The following EHD2 variants were observed in gnomAD, a reference collection of about 807,000 sequenced individuals.
EHD2 encodes the protein EH domain-containing protein 2.
Under a neutral mutation model 41.0 loss-of-function variants are expected in EHD2, and 27 were observed. That is an observed-to-expected ratio of 0.66 (90% CI 0.49 to 0.91). The LOEUF is 0.91. Ranked by LOEUF, EHD2 falls within the 40% of genes least tolerant of loss-of-function variation. The pLI is 0.00. For synonymous variants in EHD2, 342 were observed against 341.0 expected (o/e 1.00, Z -0.03); for missense variants, 673 against 773.9 (o/e 0.87, Z 1.55).
intron 3 of EHD2, among the ~76,000 whole-genome samples, chr19:47,721,576 AG>A (rs202087051): frequency 0.016 from 2,466 of 151,954 alleles, 20 homozygotes; most frequent in African/African-American, 0.023. Context: ...GGCCTCCCAA[AG>A]TGTTGGGATT....
rs1442117939 is a variant in EHD2, at chr19:47,716,575, C to T, written c.-38C>T. 11 of 1,461,202 alleles carry T rather than the reference C, an allele frequency of 7.5e-6. No homozygotes were observed. The highest frequency in any genetic ancestry group is 9.0e-6 in the Non-Finnish European group (10 of 1,109,296). The allele number at this position is 1,461,202 out of a possible 1,614,324, so 90.5% of individuals were successfully genotyped here. A position where few individuals can be genotyped will look rare whatever the true frequency, so the allele number is the denominator to read the frequency against. On this transcript the variant is annotated 5_prime_UTR_variant, in exon 2 of 6. It adds an upstream start codon to the 5' untranslated region. Coordinates refer to ENST00000263277, the MANE Select transcript of EHD2 (RefSeq NM_014601.4). The stretch of plus-strand genomic sequence containing the variant: ...TCCCACAGGCAGCTCTCCATCTGCA[C>T]GTCTCTCCGTGAACCCCGTGAGCGG...
intron 2 of EHD2, among the ~76,000 whole-genome samples, chr19:47,717,927 A>AG (rs1973647541): frequency 7.8e-6 from 1 of 128,546 alleles, no homozygotes; most frequent in African/African-American, 3.1e-5. Flanking sequence ...AAAAAAAAAA[A>AG]GGGATCAGGA....
chr19:47,733,874 A>C (rs1441619224), intron 4 of EHD2, among the ~76,000 whole-genome samples: 3 of 152,074 alleles, frequency 2.0e-5, no homozygotes, highest in African/African-American at 7.2e-5. Context: ...GGAACCCCCG[A>C]AAGGATCTTG....
In EHD2 at chr19:47,740,951, A is replaced by T. The variant is rs369661796; in HGVS notation, c.1151A>T (p.Glu384Val). The change falls in exon 6 of 6, where the codon GAG (glutamate) becomes GTG (valine). Residue 384 changes from glutamate (E) to valine (V), a missense_variant. Glu to Val is a moderately radical substitution (Grantham distance 121). Coordinates refer to ENST00000263277, the MANE Select transcript of EHD2 (RefSeq NM_014601.4). ...LKPKLLEALD[E>V]MLTHDIAKLM... ...CCGAAGCTGCTAGAGGCACTGGACG[A>T]GATGCTGACGCACGACATCGCCAAG... 5 of 1,612,860 alleles carry T rather than the reference A, an allele frequency of 3.1e-6. No homozygotes were observed. Among genetic ancestry groups the T allele is most frequent in the Non-Finnish European group, 4.2e-6 (5 of 1,179,830 alleles).
chr19:47,730,716 C>A (rs1429937536), intron 4 of EHD2, among the ~76,000 whole-genome samples: 1 of 152,046 alleles, frequency 6.6e-6, no homozygotes, highest in Non-Finnish European at 1.5e-5. Context: ...GAAGTGATAG[C>A]TGTTAGAAGG....
At position 47,740,446 on chromosome 19, in the gene EHD2, C is replaced by A. The variant is rs556266290; in HGVS notation, c.1081-435C>A. Among the ~76,000 whole-genome samples, 82 of 149,966 alleles carry A rather than the reference C, an allele frequency of 5.5e-4. No homozygotes were observed. The East Asian group carries it at 7.2e-3, about 13-fold the overall frequency. ...AGAGCGAGACCCTGTCAAAAAAAAACAAAACAAAACAAAACAAAAATGGCT... is the reference window on the plus strand; with the variant it reads ...AGAGCGAGACCCTGTCAAAAAAAAAAAAAACAAAACAAAACAAAAATGGCT... On this transcript the variant is annotated intron_variant, in intron 5 of 5. Transcript: ENST00000263277.
rs1318454902 is a variant in EHD2 at position 47,741,200 on chromosome 19, T to G, written c.1400T>G (p.Leu467Arg). The change falls in exon 6 of 6, where the codon CTG (leucine) becomes CGG (arginine). Residue 467 changes from leucine to arginine, a missense_variant. By Grantham distance (102) the Leu-to-Arg change is moderately radical. Coordinates refer to ENST00000263277, the MANE Select transcript of EHD2 (RefSeq NM_014601.4). This position sits in a 1 kb window ranked among gnomAD's most constrained non-coding sequence, Gnocchi z 4.5. ...AACCTGGCGCCTGCCGACGGCAAGC[T>G]GAGCGGCTCCAAGGCCAAGACCTGG... ...FYNLAPADGKLSGSKAKTWMV... is the reference protein window; with the variant it reads ...FYNLAPADGKRSGSKAKTWMV... The G allele has an allele frequency of 6.2e-7, 1 of 1,613,912 alleles. No homozygotes were observed. Among genetic ancestry groups the G allele is most frequent in the Non-Finnish European group, 8.5e-7 (1 of 1,180,002 alleles).
chr19:47,727,659 A>C (rs1165696109), intron 4 of EHD2, among the ~76,000 whole-genome samples: 1 of 146,362 alleles, frequency 6.8e-6, no homozygotes, highest in African/African-American at 2.5e-5. Flanking sequence ...GAGCCCAGGC[A>C]TTGAAGACCA....
In EHD2 at chr19:47,719,796, C is replaced by A. The variant is rs991400966; in HGVS notation, c.502+1190C>A. Among the ~76,000 whole-genome samples the A allele has an allele frequency of 6.6e-6, 1 of 151,132 alleles. No individual in the cohort carries two copies. Among genetic ancestry groups the A allele is most frequent in the Non-Finnish European group, 1.5e-5 (1 of 67,818 alleles). ...ACCCCAGGGCCTGGACCTGGGACAG[C>A]GGGAGGGAGAGGCTCTCTCAGCCAG... On this transcript the variant is annotated intron_variant, in intron 3 of 5. Coordinates refer to ENST00000263277, the MANE Select transcript of EHD2 (RefSeq NM_014601.4). The surrounding 1 kb of genome is among the most constrained non-coding windows in gnomAD (Gnocchi z 4.1).
intron 3 of EHD2, among the ~76,000 whole-genome samples, chr19:47,720,574 C>T (rs541067511): frequency 7.3e-5 from 11 of 150,176 alleles, no homozygotes; most frequent in Admixed American, 3.3e-4. Context: ...TATATTGTGA[C>T]GTGTGTGTGT....
rs1473634661 is a variant in EHD2 at position 47,716,602 on chromosome 19, G to A, written c.-11G>A. 2 of 1,506,700 alleles carry A rather than the reference G, an allele frequency of 1.3e-6. No individual in the cohort carries two copies. The highest frequency in any genetic ancestry group is 1.8e-6 in the Non-Finnish European group (2 of 1,129,554). 93.3% of individuals were successfully genotyped at this position (1,506,700 alleles called of 1,614,324 possible). A position where few individuals can be genotyped will look rare whatever the true frequency, so the allele number is the denominator to read the frequency against. ...TCTCTCCGTGAACCCCGTGAGCGGT[G>A]TGCAGCCACCATGTTCAGCTGGCTG... On this transcript the variant is annotated 5_prime_UTR_variant, in exon 2 of 6. It adds an upstream start codon to the 5' untranslated region. Transcript: ENST00000263277.
In EHD2 at chr19:47,719,987, G is replaced by T. The variant is rs1973678457; in HGVS notation, c.502+1381G>T. ...GTGTGTGTGACTTTGTGTATATCTT[G>T]GGAAAGTGTGTCATTATGAGTGTAC... On this transcript the variant is annotated intron_variant, in intron 3 of 5. Transcript: ENST00000263277. The surrounding 1 kb of genome is among the most constrained non-coding windows in gnomAD (Gnocchi z 4.1). Among the ~76,000 whole-genome samples the T allele has an allele frequency of 7.9e-6, 1 of 126,750 alleles. No individual in the cohort carries two copies. The highest frequency in any genetic ancestry group is 7.6e-5 in the Admixed American group (1 of 13,240). 83.2% of individuals were successfully genotyped at this position (126,750 alleles called of 152,430 possible).
chr19:47,742,943 A>C lies in EHD2; in HGVS notation c.*1511A>C, dbSNP rs1395422945. The C allele has an allele frequency of 2.0e-5, 3 of 152,708 alleles. No homozygotes were observed. The highest frequency in any genetic ancestry group is 3.4e-3 in the Middle Eastern group (1 of 294). The allele number at this position is 152,708 out of a possible 1,614,324, so 9.5% of individuals were successfully genotyped here. Reference sequence around the variant, plus strand: ...CGACGCTGTTTGCTGCCTTCACCACATATTAGTGCTTGACCCTGGCAGGGG... The same window carrying C: ...CGACGCTGTTTGCTGCCTTCACCACCTATTAGTGCTTGACCCTGGCAGGGG... On this transcript the variant is annotated 3_prime_UTR_variant, in exon 6 of 6. Coordinates refer to ENST00000263277, the MANE Select transcript of EHD2 (RefSeq NM_014601.4).
chr19:47,713,643 T>C (rs1381235699), intron 1 of EHD2, 105 bp downstream of exon 1: 1 of 152,782 alleles, frequency 6.5e-6, no homozygotes, highest in African/African-American at 2.4e-5. Flanking sequence ...CCCCAGTCTG[T>C]AACGGTCTCC....
chr19:47,730,264 C>G (rs1309733312), intron 4 of EHD2, among the ~76,000 whole-genome samples: 2 of 151,806 alleles, frequency 1.3e-5, no homozygotes, highest in Admixed American at 1.3e-4. Flanking sequence ...TTGGTCCCTA[C>G]GGAGCCGCCC....
intron 1 of EHD2, among the ~76,000 whole-genome samples, chr19:47,714,046 A>C (rs1973600885): frequency 6.6e-6 from 1 of 150,398 alleles, no homozygotes; most frequent in Non-Finnish European, 1.5e-5. Context: ...CATTCTTGCC[A>C]CTCCTTTACG....
Position 47,736,441 on chromosome 19 carries a change from C to A in EHD2, c.988C>A (p.Gln330Lys). ...SVFGKENKKK[Q>K]LILKLPVIFA... ...GTTTGGGAAGGAGAACAAGAAGAAG[C>A]AGCTGATCCTCAAACTGCCCGTCAT... The change falls in exon 5 of 6, where the codon CAG becomes AAG. Residue 330 changes from glutamine to lysine, a missense_variant. By Grantham distance (53) the Gln-to-Lys change is moderately conservative. Coordinates refer to ENST00000263277, the MANE Select transcript of EHD2 (RefSeq NM_014601.4). 6.2e-7 allele frequency: 1 copy of A among 1,613,202 alleles called. No individual in the cohort carries two copies. The highest frequency in any genetic ancestry group is 8.5e-7 in the Non-Finnish European group (1 of 1,179,660).
At chr19:47,738,230 T>C (rs1018333348) in intron 5 of EHD2, among the ~76,000 whole-genome samples, 1 of 152,094 alleles carries the variant, frequency 6.6e-6, no homozygotes, top group Non-Finnish European at 1.5e-5. Context: ...TCTACAATGA[T>C]GGAAATGTTT....
rs1028265447 is a variant in EHD2 at position 47,736,375 on chromosome 19, G to A, written c.922G>A (p.Ala308Thr). The change falls in exon 5 of 6, where the codon GCT becomes ACT. Residue 308 changes from alanine (A) to threonine (T), a missense_variant. Transcript: ENST00000263277. ...VKRARLVRVH[A>T]YIISYLKKEM... ...GTGAGAACCCTTCCCACAGGTTCAC[G>A]CTTACATCATCAGCTACCTGAAGAA... The A allele has an allele frequency of 9.3e-6, 15 of 1,612,882 alleles. No individual in the cohort carries two copies. The African/African-American group carries it at 1.3e-4, about 14-fold the overall frequency.
Sources: allele counts gnomAD v4.1 joint callset (sites outside exome capture counted in the v4.1 genomes callset), GRCh38; gene constraint gnomAD v4.1.1; non-coding constraint Gnocchi (gnomAD v3.1); transcripts MANE v1.5; gene names NCBI Gene and HGNC (gene_info 2026-07-23, HGNC 2026-07-21).